NXPH2: variants seen among roughly 807,000 people sequenced by gnomAD.
NXPH2 encodes the protein neurexophilin 2, also known as neurexophilin-2.
NXPH2 carries 5 observed loss-of-function variants against 19.8 expected under a neutral mutation model. That is an observed-to-expected ratio of 0.25 (90% CI 0.13 to 0.53). NXPH2 has a LOEUF of 0.53. NXPH2 is among the 20% of genes least tolerant of loss of function. The pLI is 0.96. For synonymous variants in NXPH2, 154 were observed against 127.4 expected, an observed-to-expected ratio of 1.21 and a Z score of -1.41; for missense variants, 289 against 322.8, an observed-to-expected ratio of 0.90 and a Z score of 0.80.
At position 138,731,795 on chromosome 2, in the gene NXPH2, A is replaced by G. The variant is rs140260315; in HGVS notation, c.51+48396T>C. Reference sequence around the variant, plus strand: ...GCCATTGGACCAGCACAAGCAGGAGACAGTAGAACGGCCCTAATCAAGTCC... The same window carrying G: ...GCCATTGGACCAGCACAAGCAGGAGGCAGTAGAACGGCCCTAATCAAGTCC... On this transcript the variant is annotated intron_variant, in intron 1 of 1. Coordinates refer to ENST00000272641, the MANE Select transcript of NXPH2 (RefSeq NM_007226.3). Among the ~76,000 whole-genome samples, 34 of 152,092 alleles carry G rather than the reference A, an allele frequency of 2.2e-4. No homozygotes were observed. In the South Asian group the frequency reaches 7.1e-3, roughly 32 times the overall value.
chr2:138,720,582 C>T (rs185002952), intron 1 of NXPH2, among the ~76,000 whole-genome samples: 15 of 152,318 alleles, frequency 9.8e-5, no homozygotes, highest in Middle Eastern at 3.4e-3. Context: ...TGAGGCACTG[C>T]AGCTACAAAG....
At chr2:138,705,410 T>C (rs1680994163) in intron 1 of NXPH2, among the ~76,000 whole-genome samples, 1 of 152,196 alleles carries the variant, frequency 6.6e-6, no homozygotes, top group African/African-American at 2.4e-5. Flanking sequence ...AAAAGAAAGC[T>C]TTTTATAGTA....
Position 138,696,656 on chromosome 2 carries a change from TA to T in NXPH2, c.52-24992del, listed in dbSNP as rs147016442. Among the ~76,000 whole-genome samples the T allele has an allele frequency of 3.5e-3, 536 of 152,182 alleles. 3 individuals carry two copies. The highest frequency in any genetic ancestry group is 8.7e-3 in the African/African-American group (363 of 41,550). On this transcript the variant is annotated intron_variant, in intron 1 of 1. Coordinates refer to ENST00000272641, the MANE Select transcript of NXPH2 (RefSeq NM_007226.3). ...TTCCTGTACATTGTTGGTGGGAAAA[TA>T]AAATGTAAAAAGCAACTTTGGAAGG...
At chr2:138,749,758 T>G (rs1013700142) in intron 1 of NXPH2, among the ~76,000 whole-genome samples, 13 of 152,196 alleles carry the variant, frequency 8.5e-5, no homozygotes, top group African/African-American at 3.1e-4. Flanking sequence ...ACATGAAACA[T>G]TTCTCTTATA....
intron 1 of NXPH2, among the ~76,000 whole-genome samples, chr2:138,773,693 A>T (rs1053813965): frequency 6.6e-6 from 1 of 152,220 alleles, no homozygotes; most frequent in Non-Finnish European, 1.5e-5. Context: ...ATTATATATG[A>T]TAAAGCTTGA....
intron 1 of NXPH2, among the ~76,000 whole-genome samples, chr2:138,762,626 T>C: frequency 6.6e-6 from 1 of 152,218 alleles, no homozygotes; most frequent in East Asian, 1.9e-4. Flanking sequence ...TTTTTCTTGT[T>C]CAAAACCCAG....
rs187167520 is a variant in NXPH2 at position 138,759,375 on chromosome 2, A to C, written c.51+20816T>G. 6.7e-4 allele frequency among the ~76,000 whole-genome samples: 100 copies of C among 149,318 alleles called. 1 individual carries two copies. Among genetic ancestry groups the C allele is most frequent in the African/African-American group, 2.3e-3 (94 of 40,858 alleles). On this transcript the variant is annotated intron_variant, in intron 1 of 1. Transcript: ENST00000272641. ...CCCTCTGTGCCACCAGGCTTTGCCC[A>C]TCACTATTCTCTGCTCTTGGTCTAT...
chr2:138,739,309 A>G (rs1364820898), intron 1 of NXPH2, among the ~76,000 whole-genome samples: 1 of 152,222 alleles, frequency 6.6e-6, no homozygotes, highest in African/African-American at 2.4e-5. Context: ...GAATGAAACC[A>G]TCAGACATAT....
At chr2:138,731,986 T>A (rs555592182) in intron 1 of NXPH2, among the ~76,000 whole-genome samples, 1 of 152,316 alleles carries the variant, frequency 6.6e-6, no homozygotes, top group South Asian at 2.1e-4. Context: ...GTAAATTATC[T>A]CTGCATAGGC....
chr2:138,765,647 C>T (rs36070628), intron 1 of NXPH2, among the ~76,000 whole-genome samples: 9,168 of 152,212 alleles, frequency 0.06, 362 homozygotes, highest in Middle Eastern at 0.12. Flanking sequence ...GGAATGCAAC[C>T]TAGCTCCTAA....
chr2:138,751,023 TC>T (rs1681821179), intron 1 of NXPH2, among the ~76,000 whole-genome samples: 1 of 103,144 alleles, frequency 9.7e-6, no homozygotes, highest in Non-Finnish European at 2.0e-5. Flanking sequence ...CCACGTCCCC[TC>T]CCCACCCCCA....
At chr2:138,719,071 A>G (rs1246287928) in intron 1 of NXPH2, among the ~76,000 whole-genome samples, 4 of 152,208 alleles carry the variant, frequency 2.6e-5, no homozygotes, top group African/African-American at 9.7e-5. Flanking sequence ...AGAATTAGAG[A>G]TACAGTAAGA....
intron 1 of NXPH2, among the ~76,000 whole-genome samples, chr2:138,676,379 A>G (rs1680484085): frequency 6.6e-6 from 1 of 152,172 alleles, no homozygotes; most frequent in African/African-American, 2.4e-5. Flanking sequence ...AGGTCTACCT[A>G]GATGGTTATA....
intron 1 of NXPH2, among the ~76,000 whole-genome samples, chr2:138,722,381 G>C (rs544928854): frequency 6.6e-6 from 1 of 152,224 alleles, no homozygotes; most frequent in Non-Finnish European, 1.5e-5. Context: ...AGCTGGGCTT[G>C]GGGGAAGGAA....
chr2:138,766,390 T>C (rs1473171085), intron 1 of NXPH2, among the ~76,000 whole-genome samples: 1 of 152,172 alleles, frequency 6.6e-6, no homozygotes, highest in Admixed American at 6.5e-5. Flanking sequence ...AGGTCTCAAC[T>C]GGGCTGTTTT....
chr2:138,684,119 C>T (rs1422804399), intron 1 of NXPH2, among the ~76,000 whole-genome samples: 1 of 152,150 alleles, frequency 6.6e-6, no homozygotes, highest in Admixed American at 6.5e-5. Context: ...TCACAAATAA[C>T]CTCATTTGAT....
chr2:138,734,454 C>T (rs949363942), intron 1 of NXPH2, among the ~76,000 whole-genome samples: 1 of 152,146 alleles, frequency 6.6e-6, no homozygotes, highest in Admixed American at 6.5e-5. Flanking sequence ...GAGGTAAACA[C>T]AGTAACTATT....
At position 138,747,279 on chromosome 2, in the gene NXPH2, T is replaced by C. The variant is rs185651752; in HGVS notation, c.51+32912A>G. The stretch of plus-strand genomic sequence containing the variant: ...ATTGATGCCCTTGCCCAGTGAACCT[T>C]GCTGGATGTCAGGTGTTCTGGGGCT... On this transcript the variant is annotated intron_variant, in intron 1 of 1. Coordinates refer to ENST00000272641, the MANE Select transcript of NXPH2 (RefSeq NM_007226.3). Among the ~76,000 whole-genome samples, 192 of 152,224 alleles carry C rather than the reference T, an allele frequency of 1.3e-3. 1 individual carries two copies. The highest frequency in any genetic ancestry group is 4.5e-3 in the African/African-American group (188 of 41,552).
intron 1 of NXPH2, among the ~76,000 whole-genome samples, chr2:138,743,802 A>G (rs1452207330): frequency 6.6e-6 from 1 of 152,108 alleles, no homozygotes; most frequent in Non-Finnish European, 1.5e-5. Context: ...TAGGAGTTCA[A>G]GACTAGCCTG....
Sources: allele counts gnomAD v4.1 joint callset (sites outside exome capture counted in the v4.1 genomes callset), GRCh38; gene constraint gnomAD v4.1.1; transcripts MANE v1.5; gene names NCBI Gene and HGNC (gene_info 2026-07-23, HGNC 2026-07-21).